CBFB: variants seen among roughly 807,000 people sequenced by gnomAD.
The protein encoded by CBFB is core-binding factor subunit beta.
Under a neutral mutation model 30.4 loss-of-function variants are expected in CBFB, and 9 were observed. The observed-to-expected ratio is 0.30, with a 90% CI of 0.18 to 0.52. The LOEUF is 0.52. Among genes scored for constraint, CBFB ranks in the 20% least tolerant of loss-of-function variants. CBFB has a pLI of 0.97. For synonymous variants in CBFB, 94 were observed against 84.0 expected (o/e 1.12, Z -0.65); for missense variants, 170 against 244.0 (o/e 0.70, Z 2.02).
chr16:67,049,311 C>T (rs777023476), intron 3 of CBFB, among the ~76,000 whole-genome samples: 8 of 151,978 alleles, frequency 5.3e-5, no homozygotes, highest in Non-Finnish European at 1.0e-4. Flanking sequence ...TCAAGCTATT[C>T]TCCTGCCTCA....
chr16:67,070,811 A>G (rs1961201634), intron 4 of CBFB, among the ~76,000 whole-genome samples: 1 of 152,160 alleles, frequency 6.6e-6, no homozygotes, highest in Non-Finnish European at 1.5e-5. Context: ...AGATCACACC[A>G]CTGCACTCCA....
intron 3 of CBFB, among the ~76,000 whole-genome samples, chr16:67,043,300 G>A (rs1464719491): frequency 6.6e-6 from 1 of 152,102 alleles, no homozygotes; most frequent in East Asian, 1.9e-4. Context: ...GAAACAAAAA[G>A]CTCTATATTC....
intron 3 of CBFB, among the ~76,000 whole-genome samples, chr16:67,037,449 C>T (rs1966460221): frequency 6.6e-6 from 1 of 152,016 alleles, no homozygotes. Context: ...TCATAGGTAA[C>T]TTTCTAATTC....
In CBFB at chr16:67,029,444, G is replaced by A; in HGVS notation, c.37G>A (p.Glu13Lys). Reference sequence around the variant, plus strand: ...CGTGCCCGACCAGAGAAGCAAGTTCGAGAACGAGGAGTTTTTTAGGAAGCT... The same window carrying A: ...CGTGCCCGACCAGAGAAGCAAGTTCAAGAACGAGGAGTTTTTTAGGAAGCT... ...RVVPDQRSKF[E>K]NEEFFRKLSR... The change falls in exon 1 of 6, where the codon GAG becomes AAG. Residue 13 changes from glutamate (E) to lysine (K), a missense_variant. Transcript: ENST00000412916. 6.3e-7 allele frequency: 1 copy of A among 1,590,390 alleles called. No individual in the cohort carries two copies. Among genetic ancestry groups the A allele is most frequent in the Non-Finnish European group, 8.5e-7 (1 of 1,169,788 alleles).
chr16:67,061,643 T>G (rs776262512), intron 3 of CBFB, among the ~76,000 whole-genome samples: 2 of 152,248 alleles, frequency 1.3e-5, no homozygotes, highest in Non-Finnish European at 2.9e-5. Flanking sequence ...CATAAAACTG[T>G]ATTTATTTGA....
chr16:67,079,563 T>C (rs1430598115), intron 4 of CBFB, among the ~76,000 whole-genome samples: 2 of 150,894 alleles, frequency 1.3e-5, no homozygotes, highest in African/African-American at 4.9e-5. Flanking sequence ...ATGAGGTCTT[T>C]TAATCTTGCT....
At chr16:67,095,813 C>T (rs1245774798) in intron 5 of CBFB, among the ~76,000 whole-genome samples, 1 of 151,668 alleles carries the variant, frequency 6.6e-6, no homozygotes, top group Non-Finnish European at 1.5e-5. Flanking sequence ...CTGCCTCAGA[C>T]TCCCGAGTAT....
intron 5 of CBFB, among the ~76,000 whole-genome samples, chr16:67,088,966 G>T (rs151024751): frequency 2.2e-4 from 33 of 152,314 alleles, no homozygotes; most frequent in African/African-American, 7.9e-4. Context: ...CCTGAAACTA[G>T]TTATAAAATT....
chr16:67,091,742 T>A (rs35654251), intron 5 of CBFB, among the ~76,000 whole-genome samples: 3,239 of 152,304 alleles, frequency 0.021, 98 homozygotes, highest in African/African-American at 0.072. Context: ...AATTTTTTTT[T>A]AATTTTACTT....
intron 3 of CBFB, among the ~76,000 whole-genome samples, chr16:67,045,493 G>A (rs1288233317): frequency 6.6e-6 from 1 of 151,902 alleles, no homozygotes; most frequent in Non-Finnish European, 1.5e-5. Context: ...CTCCAGCCTG[G>A]GCAACAGAGC....
intron 4 of CBFB, among the ~76,000 whole-genome samples, chr16:67,068,275 T>TAAAG (rs770515792): frequency 1.3e-5 from 2 of 152,154 alleles, no homozygotes; most frequent in Non-Finnish European, 2.9e-5. Flanking sequence ...GCCCAAGAGT[T>TAAAG]AAAGACCAGC....
intron 3 of CBFB, among the ~76,000 whole-genome samples, chr16:67,038,113 C>CA (rs1190851202): frequency 1.3e-5 from 2 of 151,976 alleles, no homozygotes; most frequent in African/African-American, 4.8e-5. Flanking sequence ...GATCCAGTTT[C>CA]ATACTTTTTT....
intron 3 of CBFB, among the ~76,000 whole-genome samples, chr16:67,064,556 G>A (rs1290592823): frequency 6.6e-6 from 1 of 152,098 alleles, no homozygotes; most frequent in Non-Finnish European, 1.5e-5. Flanking sequence ...TATTAGGAGT[G>A]GGAAGATTGT....
intron 4 of CBFB, among the ~76,000 whole-genome samples, chr16:67,071,448 A>C (rs1961219887): frequency 6.6e-6 from 1 of 152,206 alleles, no homozygotes; most frequent in Non-Finnish European, 1.5e-5. Context: ...GTATGAGGAC[A>C]CAGTGAGAAG....
chr16:67,090,485 T>C (rs926968477), intron 5 of CBFB, among the ~76,000 whole-genome samples: 2 of 152,144 alleles, frequency 1.3e-5, no homozygotes, highest in Non-Finnish European at 2.9e-5. Flanking sequence ...TCAAATGTCT[T>C]TTGTGAAGGA....
rs574234817 is a variant in CBFB at position 67,053,008 on chromosome 16, C to CA, written c.283-13660dup. On this transcript the variant is annotated intron_variant, in intron 3 of 5. Transcript: ENST00000412916. ...CATACCACAGAGCAAGATGCTATCTCAAAAAAAAAAAAAAGAAAAAAAGAG... is the reference window on the plus strand; with the variant it reads ...CATACCACAGAGCAAGATGCTATCTCAAAAAAAAAAAAAAAGAAAAAAAGAG... Among the ~76,000 whole-genome samples the CA allele has an allele frequency of 1.6e-3, 193 of 121,900 alleles. 1 individual carries two copies. The highest frequency in any genetic ancestry group is 3.3e-3 in the African/African-American group (111 of 33,162). 80.0% of individuals were successfully genotyped at this position (121,900 alleles called of 152,430 possible). A position where few individuals can be genotyped will look rare whatever the true frequency, so the allele number is the denominator to read the frequency against.
intron 4 of CBFB, among the ~76,000 whole-genome samples, chr16:67,069,369 C>CAAA (rs770641806): frequency 8.1e-6 from 1 of 123,850 alleles, no homozygotes; most frequent in Non-Finnish European, 1.7e-5. Context: ...GACTTCATCT[C>CAAA]AAAAAAAAAA....
intron 3 of CBFB, among the ~76,000 whole-genome samples, chr16:67,061,243 C>T (rs1482492368): frequency 2.6e-5 from 4 of 152,182 alleles, no homozygotes; most frequent in Non-Finnish European, 5.9e-5. Context: ...GCTGTGAAGT[C>T]TCAAACATAT....
intron 2 of CBFB, among the ~76,000 whole-genome samples, chr16:67,031,483 T>G (rs957155910): frequency 2.0e-5 from 3 of 152,226 alleles, no homozygotes; most frequent in African/African-American, 7.2e-5. Context: ...GTATAAAAGA[T>G]AAGTTACAAA....
Sources: gnomAD v4.1 joint callset for allele counts (sites outside exome capture counted in the v4.1 genomes callset) on GRCh38, gnomAD v4.1.1 for gene constraint, MANE v1.5 for transcripts, NCBI Gene and HGNC (gene_info 2026-07-23, HGNC 2026-07-21) for gene names.